PPP2R2B: variants seen among roughly 807,000 people sequenced by gnomAD.
The protein encoded by PPP2R2B is serine/threonine-protein phosphatase 2A 55 kDa regulatory subunit B beta isoform.
Under a neutral mutation model 46.0 loss-of-function variants are expected in PPP2R2B, and 5 were observed. The observed-to-expected ratio is 0.11, with a 90% CI of 0.06 to 0.23. The LOEUF (loss-of-function observed/expected upper bound fraction) is 0.23, where lower values mean the gene tolerates loss of function less well. Among genes scored for constraint, PPP2R2B ranks in the 10% least tolerant of loss-of-function variants. The probability of loss-of-function intolerance (pLI) is 1.00; values close to 1 mark genes in which losing one functional copy is unlikely to be tolerated. For synonymous variants in PPP2R2B, 215 were observed against 206.7 expected (o/e 1.04, Z -0.34); for missense variants, 367 against 575.0 (o/e 0.64, Z 3.70).
Position 146,651,056 on chromosome 5 carries a change from T to A in PPP2R2B, c.448-332A>T, listed in dbSNP as rs149605305. ...ATTACCTTCCAGAGACATTGTTCTA[T>A]TTTTTTTTTAAACATGAAATCTATT... On this transcript the variant is annotated intron_variant, in intron 5 of 9. Coordinates refer to ENST00000394411, the MANE Select transcript of PPP2R2B (RefSeq NM_181675.4). Among the ~76,000 whole-genome samples the A allele has an allele frequency of 3.7e-3, 557 of 150,352 alleles. 1 individual carries two copies. The highest frequency in any genetic ancestry group is 0.013 in the African/African-American group (523 of 40,988).
intron 2 of PPP2R2B, among the ~76,000 whole-genome samples, chr5:146,811,832 G>C (rs1262892356): frequency 2.0e-5 from 3 of 151,134 alleles, no homozygotes; most frequent in Admixed American, 2.0e-4. Flanking sequence ...CACCCAAAGT[G>C]CTGGGATTAC....
intron 1 of PPP2R2B, among the ~76,000 whole-genome samples, chr5:147,018,125 G>C (rs1206899687): frequency 6.6e-6 from 1 of 151,838 alleles, no homozygotes; most frequent in African/African-American, 2.4e-5. Context: ...AAAATGCTAA[G>C]AGGCTGGAAG....
chr5:146,649,593 C>A (rs753407807), intron 6 of PPP2R2B, among the ~76,000 whole-genome samples: 2 of 151,916 alleles, frequency 1.3e-5, no homozygotes, highest in East Asian at 3.9e-4. Context: ...TACAGGCGCC[C>A]GCCACCATGC....
chr5:146,968,960 AT>A (rs2151846997), intron 1 of PPP2R2B, among the ~76,000 whole-genome samples: 1 of 152,374 alleles, frequency 6.6e-6, no homozygotes, highest in African/African-American at 2.4e-5. Context: ...ATATTTTATA[AT>A]GGCTATGCTT....
rs1052093915 is a variant in PPP2R2B at position 146,878,261 on chromosome 5, T to C, written c.-124-66A>G. ...ACCCGGCAATGGAGCTGTCACCTCC[T>C]CCACTCGGGTTCTGCGAGGCTGCGG... On this transcript the variant is annotated intron_variant, in intron 1 of 9. Coordinates refer to ENST00000394411, the MANE Select transcript of PPP2R2B (RefSeq NM_181675.4). This position sits in a 1 kb window ranked among gnomAD's most constrained non-coding sequence, Gnocchi z 4.5. 3 of 1,489,128 alleles carry C rather than the reference T, an allele frequency of 2.0e-6. No individual in the cohort carries two copies. Among genetic ancestry groups the C allele is most frequent in the Admixed American group, 2.2e-5 (1 of 44,816 alleles). 92.2% of individuals were successfully genotyped at this position (1,489,128 alleles called of 1,614,324 possible).
chr5:146,807,523 T>C (rs1426952362), intron 2 of PPP2R2B, among the ~76,000 whole-genome samples: 2 of 152,208 alleles, frequency 1.3e-5, no homozygotes, highest in South Asian at 2.1e-4. Context: ...TAATAACTTA[T>C]GCCAGGCACA....
Position 146,584,020 on chromosome 5 carries a change from G to C in PPP2R2B, c.*5927C>G, listed in dbSNP as rs1770018121. 6.6e-6 allele frequency: 1 copy of C among 152,234 alleles called. No homozygotes were observed. Among genetic ancestry groups the C allele is most frequent in the Non-Finnish European group, 1.5e-5 (1 of 68,050 alleles). The allele number at this position is 152,234 out of a possible 1,614,324, so 9.4% of individuals were successfully genotyped here. On this transcript the variant is annotated 3_prime_UTR_variant, in exon 10 of 10. Coordinates refer to ENST00000394411, the MANE Select transcript of PPP2R2B (RefSeq NM_181675.4). ...AAAATGATTGGAGTGGCAACTGAGAGGGCTTGAGATGGGCAAGCAGGAGCT... is the reference window on the plus strand; with the variant it reads ...AAAATGATTGGAGTGGCAACTGAGACGGCTTGAGATGGGCAAGCAGGAGCT...
At chr5:146,634,658 A>G (rs1037037294) in intron 7 of PPP2R2B, among the ~76,000 whole-genome samples, 1 of 151,812 alleles carries the variant, frequency 6.6e-6, no homozygotes, top group African/African-American at 2.4e-5. Context: ...AGATTAGAAC[A>G]CCACCATCGG....
chr5:146,718,264 T>C (rs918937356), intron 2 of PPP2R2B, among the ~76,000 whole-genome samples: 7 of 152,156 alleles, frequency 4.6e-5, no homozygotes, highest in Middle Eastern at 3.4e-3. Context: ...GGCACACGCC[T>C]ATAGTCTCAG....
At chr5:146,712,617 T>C (rs1340310728) in intron 2 of PPP2R2B, among the ~76,000 whole-genome samples, 1 of 152,212 alleles carries the variant, frequency 6.6e-6, no homozygotes, top group East Asian at 1.9e-4. Flanking sequence ...TAATAGGACA[T>C]AAGGGTGATC....
chr5:146,689,933 C>A lies in PPP2R2B; in HGVS notation c.447+1195G>T, dbSNP rs569782762. Among the ~76,000 whole-genome samples the A allele has an allele frequency of 2.0e-5, 3 of 152,314 alleles. No individual in the cohort carries two copies. In the East Asian group the frequency reaches 5.8e-4, roughly 29 times the overall value. Reference sequence around the variant, plus strand: ...TAGGACAGGGTAAACACCTAATAGTCTAGCATGGTGGTCAGCACAGAGTCT... The same window carrying A: ...TAGGACAGGGTAAACACCTAATAGTATAGCATGGTGGTCAGCACAGAGTCT... On this transcript the variant is annotated intron_variant, in intron 5 of 9. Transcript: ENST00000394411.
At chr5:146,956,722 A>T (rs1034268982) in intron 1 of PPP2R2B, among the ~76,000 whole-genome samples, 14 of 152,142 alleles carry the variant, frequency 9.2e-5, no homozygotes, top group Admixed American at 8.5e-4. Flanking sequence ...TGCCTTAAAC[A>T]ACAAACATTT....
chr5:146,821,462 G>A (rs948985383), intron 2 of PPP2R2B, among the ~76,000 whole-genome samples: 1 of 152,130 alleles, frequency 6.6e-6, no homozygotes, highest in Admixed American at 6.5e-5. Flanking sequence ...GGTTGTCACA[G>A]CACTTTGTGG....
chr5:146,603,296 T>C (rs1771953752), intron 7 of PPP2R2B, among the ~76,000 whole-genome samples: 1 of 152,230 alleles, frequency 6.6e-6, no homozygotes, highest in South Asian at 2.1e-4. Flanking sequence ...ACATAAAGAA[T>C]GTTTACATTT....
At chr5:147,057,100 G>A (rs930522299), upstream of PPP2R2B, among the ~76,000 whole-genome samples, 15 of 152,190 alleles carry the variant, frequency 9.9e-5, no homozygotes, top group Non-Finnish European at 1.8e-4. Flanking sequence ...TTGGAGAAAT[G>A]TGCTGGTCTC....
In PPP2R2B at chr5:146,758,017, C is replaced by T. The variant is rs59693705; in HGVS notation, c.71-56875G>A. On this transcript the variant is annotated intron_variant, in intron 2 of 9. Transcript: ENST00000394411. ...GGAAGGACATGAAACCTCTCAGCTA[C>T]TCAGACCTGTCCAGATATGGAGCTT... Among the ~76,000 whole-genome samples the T allele has an allele frequency of 6.8e-3, 1,035 of 152,306 alleles. 14 individuals are homozygous for T. The highest frequency in any genetic ancestry group is 0.024 in the African/African-American group (992 of 41,566).
chr5:146,708,811 A>G (rs1780051302), intron 2 of PPP2R2B, among the ~76,000 whole-genome samples: 1 of 152,178 alleles, frequency 6.6e-6, no homozygotes, highest in Non-Finnish European at 1.5e-5. Context: ...AAAAAAATTC[A>G]TCAATACACT....
At chr5:146,702,537 C>T (rs1275305686) in intron 2 of PPP2R2B, among the ~76,000 whole-genome samples, 1 of 152,212 alleles carries the variant, frequency 6.6e-6, no homozygotes, top group Non-Finnish European at 1.5e-5. Context: ...GGGCAAGAGG[C>T]TATTCAGCTT....
chr5:147,011,789 G>A (rs915289168), intron 1 of PPP2R2B, among the ~76,000 whole-genome samples: 7 of 143,574 alleles, frequency 4.9e-5, no homozygotes, highest in Admixed American at 2.1e-4. Flanking sequence ...TAGCATGAAG[G>A]GTTGTTGAAT....
Sources: allele counts gnomAD v4.1 joint callset (sites outside exome capture counted in the v4.1 genomes callset), GRCh38; gene constraint gnomAD v4.1.1; non-coding constraint Gnocchi (gnomAD v3.1); transcripts MANE v1.5; gene names NCBI Gene and HGNC (gene_info 2026-07-23, HGNC 2026-07-21).